ZNF804A: variants seen among roughly 807,000 people sequenced by gnomAD.
ZNF804A encodes the protein zinc finger protein 804A.
In ZNF804A, 2 loss-of-function variants were observed where a neutral mutation model predicts 16.5. The observed-to-expected ratio is 0.12, with a 90% CI of 0.05 to 0.38. The LOEUF (loss-of-function observed/expected upper bound fraction) is 0.38, where lower values mean the gene tolerates loss of function less well. Among genes scored for constraint, ZNF804A ranks in the 10% least tolerant of loss-of-function variants. The pLI is 0.99. For synonymous variants in ZNF804A, 534 were observed against 489.6 expected (o/e 1.09, Z -1.20); for missense variants, 1,473 against 1,390.7 (o/e 1.06, Z -0.94).
intron 2 of ZNF804A, 59 bp from the exon 3 acceptor site, chr2:184,933,544 A>T: frequency 6.7e-7 from 1 of 1,497,638 alleles, no homozygotes; most frequent in Non-Finnish European, 8.9e-7. Context: ...TAACAATGAA[A>T]CTTTAAAACT....
At chr2:184,682,530 C>T (rs375398712) in intron 1 of ZNF804A, among the ~76,000 whole-genome samples, 71 of 151,898 alleles carry the variant, frequency 4.7e-4, no homozygotes, top group East Asian at 1.7e-3. Context: ...TCTTTCGAGA[C>T]GCAGATGATG....
At chr2:184,803,485 T>G (rs1694755347) in intron 1 of ZNF804A, among the ~76,000 whole-genome samples, 1 of 152,158 alleles carries the variant, frequency 6.6e-6, no homozygotes, top group Admixed American at 6.6e-5. Context: ...GGTTTTGTGT[T>G]TATCTAAGCA....
intron 2 of ZNF804A, among the ~76,000 whole-genome samples, chr2:184,925,759 A>G (rs1043509692): frequency 3.9e-5 from 6 of 151,956 alleles, no homozygotes; most frequent in African/African-American, 1.4e-4. Flanking sequence ...ATAGTCTCTT[A>G]TAACCCACTG....
At chr2:184,733,629 T>G (rs991259401) in intron 1 of ZNF804A, among the ~76,000 whole-genome samples, 1 of 152,154 alleles carries the variant, frequency 6.6e-6, no homozygotes, top group African/African-American at 2.4e-5. Context: ...GTAGAATACT[T>G]TAGTAAACCC....
intron 1 of ZNF804A, among the ~76,000 whole-genome samples, chr2:184,691,513 G>A (rs761791251): frequency 2.6e-5 from 4 of 151,406 alleles, no homozygotes; most frequent in Non-Finnish European, 5.9e-5. Context: ...AGACAAACTA[G>A]TTTACAAAAG....
chr2:184,923,937 A>G (rs1216056406), intron 2 of ZNF804A, among the ~76,000 whole-genome samples: 1 of 151,768 alleles, frequency 6.6e-6, no homozygotes, highest in Non-Finnish European at 1.5e-5. Context: ...TAATGTGTTA[A>G]TTCAGTTTGC....
chr2:184,616,592 G>A (rs1056696383), intron 1 of ZNF804A, among the ~76,000 whole-genome samples: 1 of 152,100 alleles, frequency 6.6e-6, no homozygotes, highest in Non-Finnish European at 1.5e-5. Context: ...CAGAACGTAA[G>A]AGCTGCCAAA....
chr2:184,859,826 C>T (rs993531369), intron 1 of ZNF804A, among the ~76,000 whole-genome samples: 4 of 152,208 alleles, frequency 2.6e-5, no homozygotes, highest in South Asian at 2.1e-4. Context: ...AATCTAAAGT[C>T]GAGTTGTCCT....
chr2:184,830,944 T>A (rs1014851338), intron 1 of ZNF804A, among the ~76,000 whole-genome samples: 2 of 152,104 alleles, frequency 1.3e-5, no homozygotes, highest in African/African-American at 4.8e-5. Flanking sequence ...AATCTCAATT[T>A]GAAGGAGTAA....
At chr2:184,932,780 G>A (rs1197368976) in intron 2 of ZNF804A, among the ~76,000 whole-genome samples, 1 of 152,120 alleles carries the variant, frequency 6.6e-6, no homozygotes, top group African/African-American at 2.4e-5. Context: ...TAACTTTGAT[G>A]TCTCCAAAAT....
intron 1 of ZNF804A, among the ~76,000 whole-genome samples, chr2:184,718,501 T>A (rs1693249036): frequency 6.6e-6 from 1 of 152,148 alleles, no homozygotes; most frequent in African/African-American, 2.4e-5. Flanking sequence ...CTTCTACCTA[T>A]GAGCCTATGA....
At chr2:184,900,338 A>C (rs1175844212) in intron 2 of ZNF804A, among the ~76,000 whole-genome samples, 1 of 152,122 alleles carries the variant, frequency 6.6e-6, no homozygotes, top group Admixed American at 6.6e-5. Context: ...AATGCTGCGT[A>C]TCAATGGTGC....
intron 1 of ZNF804A, among the ~76,000 whole-genome samples, chr2:184,602,101 C>CTA (rs573803021): frequency 1.3e-5 from 2 of 151,860 alleles, no homozygotes; most frequent in Non-Finnish European, 2.9e-5. Flanking sequence ...ATAGTCCCTT[C>CTA]TATAGGTCAT....
chr2:184,874,264 A>G lies in ZNF804A; in HGVS notation c.255+7752A>G, dbSNP rs895157557. ...AAGAGGTGATGTAGGATGATGGGAT[A>G]CCATAGGAGACGTAACCATGTGAAA... On this transcript the variant is annotated intron_variant, in intron 2 of 3. Coordinates refer to ENST00000302277, the MANE Select transcript of ZNF804A (RefSeq NM_194250.2). Among the ~76,000 whole-genome samples the G allele has an allele frequency of 3.9e-5, 6 of 152,176 alleles. No individual in the cohort carries two copies. The East Asian group carries it at 1.2e-3, about 29-fold the overall frequency.
At chr2:184,774,102 T>C (rs1301002358) in intron 1 of ZNF804A, among the ~76,000 whole-genome samples, 2 of 151,926 alleles carry the variant, frequency 1.3e-5, no homozygotes, top group African/African-American at 2.4e-5. Flanking sequence ...TTTTTAGGTA[T>C]TTTGTGTATT....
chr2:184,646,897 T>C (rs1691885542), intron 1 of ZNF804A, among the ~76,000 whole-genome samples: 1 of 152,254 alleles, frequency 6.6e-6, no homozygotes, highest in Non-Finnish European at 1.5e-5. Context: ...CTACTCATCT[T>C]GGCCCCTGCC....
intron 1 of ZNF804A, among the ~76,000 whole-genome samples, chr2:184,810,453 T>A (rs1024378613): frequency 2.6e-5 from 4 of 151,684 alleles, no homozygotes; most frequent in African/African-American, 9.7e-5. Context: ...TTATTATAAT[T>A]ACATTTCTGA....
At chr2:184,760,446 A>G (rs1313351134) in intron 1 of ZNF804A, among the ~76,000 whole-genome samples, 11 of 152,178 alleles carry the variant, frequency 7.2e-5, no homozygotes, top group Non-Finnish European at 1.6e-4. Context: ...TTTGAAAATA[A>G]TCTGATTTCT....
chr2:184,767,343 G>A (rs552356668), intron 1 of ZNF804A, among the ~76,000 whole-genome samples: 3 of 151,856 alleles, frequency 2.0e-5, no homozygotes, highest in African/African-American at 7.3e-5. Context: ...GAAATAAGCC[G>A]GAAACAAAAA....
Sources: gnomAD v4.1 joint callset for allele counts (sites outside exome capture counted in the v4.1 genomes callset) on GRCh38, gnomAD v4.1.1 for gene constraint, MANE v1.5 for transcripts, NCBI Gene and HGNC (gene_info 2026-07-23, HGNC 2026-07-21) for gene names.